Variants in PTPN22 observed in about 807,000 individuals in gnomAD.
The protein encoded by PTPN22 is protein tyrosine phosphatase non-receptor type 22, also known as tyrosine-protein phosphatase non-receptor type 22.
A neutral mutation model predicts 103.3 loss-of-function variants in PTPN22; 85 were observed. The ratio of observed to expected loss-of-function variants is 0.82; its 90% confidence interval spans 0.69 to 0.99. PTPN22 has a LOEUF of 0.99. Among genes scored for constraint, PTPN22 ranks in the 50% least tolerant of loss-of-function variants. The probability of loss-of-function intolerance (pLI) is 0.00; values close to 1 mark genes in which losing one functional copy is unlikely to be tolerated. For missense variants in PTPN22, 865 were observed against 936.9 expected, an observed-to-expected ratio of 0.92 and a Z score of 1.00; for synonymous variants, 323 against 310.2, an observed-to-expected ratio of 1.04 and a Z score of -0.43.
chr1:113,821,353 A>G (rs543913500), intron 19 of PTPN22, among the ~76,000 whole-genome samples: 220 of 151,608 alleles, frequency 1.5e-3, no homozygotes, highest in African/African-American at 5.0e-3. Flanking sequence ...AGACAGTCTC[A>G]CTCTGTCGCC....
chr1:113,864,998 A>C lies in PTPN22; in HGVS notation c.88-5538T>G, dbSNP rs114769096. Among the ~76,000 whole-genome samples the C allele has an allele frequency of 3.2e-3, 482 of 152,370 alleles. 3 individuals carry two copies. The highest frequency in any genetic ancestry group is 5.4e-3 in the Non-Finnish European group (370 of 68,036). Reference sequence around the variant, plus strand: ...AAGGCGGAGGTAACAACATGTGTGCAAGGCCCTATGGCAGAGGAAGCATGG... The same window carrying C: ...AAGGCGGAGGTAACAACATGTGTGCCAGGCCCTATGGCAGAGGAAGCATGG... On this transcript the variant is annotated intron_variant, in intron 1 of 20. Transcript: ENST00000359785.
chr1:113,864,124 C>G (rs1047929662), intron 1 of PTPN22: 1 of 364,402 alleles, frequency 2.7e-6, no homozygotes, highest in Admixed American at 3.4e-5. Flanking sequence ...AACAGACAAA[C>G]AAACAAACAA....
chr1:113,855,483 GAC>G (rs1664963223), intron 7 of PTPN22, among the ~76,000 whole-genome samples: 1 of 130,360 alleles, frequency 7.7e-6, no homozygotes, highest in Admixed American at 9.4e-5. Context: ...CAGACTGGGT[GAC>G]AGAGCGAGAC....
At chr1:113,838,659 G>A (rs1663243340) in intron 11 of PTPN22, 39 bp from the exon 12 acceptor site, 6 of 1,591,850 alleles carry the variant, frequency 3.8e-6, no homozygotes, top group Non-Finnish European at 5.1e-6. Flanking sequence ...TTTCAGTGAA[G>A]CAATGTCAAT....
chr1:113,857,888 GT>G (rs917524118), intron 4 of PTPN22, 112 bp from the exon 5 acceptor site: 351 of 976,834 alleles, frequency 3.6e-4, no homozygotes, highest in Non-Finnish European at 4.1e-4. Flanking sequence ...CTGTTTTGTC[GT>G]TTTTTTTTAA....
intron 5 of PTPN22, chr1:113,856,858 A>G (rs963904688): frequency 2.1e-6 from 1 of 485,086 alleles, no homozygotes; most frequent in African/African-American, 1.9e-5. Context: ...TCTTTGACCT[A>G]TTTTTAGTAT....
At chr1:113,856,493 T>C in intron 6 of PTPN22, 52 bp from the exon 7 acceptor site, 3 of 1,614,020 alleles carry the variant, frequency 1.9e-6, no homozygotes, top group Non-Finnish European at 2.5e-6. Context: ...ACAAGCTCTC[T>C]ATAAGGTAGA....
At chr1:113,848,055 TTA>T (rs1290203655) in intron 11 of PTPN22, among the ~76,000 whole-genome samples, 1 of 151,938 alleles carries the variant, frequency 6.6e-6, no homozygotes, top group African/African-American at 2.4e-5. Context: ...TTTTAAATTT[TTA>T]TTTCTCTTTG....
rs1661095396 is a variant in PTPN22, at chr1:113,815,732, GCAGTGGCGCGATCTCGGCCCACTGC to G, written c.2360-788_2360-764del. ...CTTGCTCTGTCGCCCAGGCTGGAGT[GCAGTGGCGCGATCTCGGCCCACTGC>G]AACCTCCGCCTCCCGGGTTCAAGCG... On this transcript the variant is annotated intron_variant, in intron 20 of 20. Transcript: ENST00000359785. 3.3e-5 allele frequency among the ~76,000 whole-genome samples: 5 copies of G among 152,338 alleles called. No homozygotes were observed. The South Asian group carries it at 1.0e-3, about 32-fold the overall frequency.
At chr1:113,869,424 C>T (rs1426115710) in intron 1 of PTPN22, among the ~76,000 whole-genome samples, 4 of 148,872 alleles carry the variant, frequency 2.7e-5, no homozygotes, top group African/African-American at 7.5e-5. Context: ...GACAGAAGTT[C>T]GCTCTTGTTG....
chr1:113,857,285 A>G (rs745431714), intron 5 of PTPN22, among the ~76,000 whole-genome samples: 4 of 152,204 alleles, frequency 2.6e-5, no homozygotes, highest in African/African-American at 4.8e-5. Context: ...AAATTTTCAC[A>G]TACTCAAACA....
chr1:113,850,200 A>AGAAGGAAG (rs71090741), intron 10 of PTPN22, among the ~76,000 whole-genome samples: 958 of 77,968 alleles, frequency 0.012, 11 homozygotes, highest in Non-Finnish European at 0.013. Flanking sequence ...CCATCTCAAA[A>AGAAGGAAG]GAAGGAAGGA....
At chr1:113,864,471 G>T (rs1665937567) in intron 1 of PTPN22, 1 of 301,756 alleles carries the variant, frequency 3.3e-6, no homozygotes, top group African/African-American at 2.3e-5. Context: ...GAGATCTAAA[G>T]AATTATTAGT....
intron 18 of PTPN22, among the ~76,000 whole-genome samples, chr1:113,828,735 G>A (rs572530783): frequency 5.9e-5 from 9 of 152,092 alleles, no homozygotes; most frequent in South Asian, 4.1e-4. Context: ...TTCCAGGCTC[G>A]ACCAATCCTC....
intron 1 of PTPN22, among the ~76,000 whole-genome samples, chr1:113,861,237 G>GTTTGT (rs1553253299): frequency 1.3e-5 from 2 of 151,718 alleles, no homozygotes; most frequent in East Asian, 3.9e-4. Flanking sequence ...TTTTTTGTTT[G>GTTTGT]TTTGTTTTTG....
chr1:113,838,184 C>T lies in PTPN22; in HGVS notation c.1216G>A (p.Gly406Arg), dbSNP rs776187391. ...CTTTGATGCTTCTGAAGAGGCTCCCCAACTATTGGAAATGCCTTTGTCTGC... is the reference window on the plus strand; with the variant it reads ...CTTTGATGCTTCTGAAGAGGCTCCCTAACTATTGGAAATGCCTTTGTCTGC... The change falls in exon 13 of 21, where the codon GGG becomes AGG. Residue 406 changes from glycine (G) to arginine (R), a missense_variant. This residue lies in a region of PTPN22 where 457 missense variants were observed against 529.1 expected (regional missense o/e 0.86). Transcript: ENST00000359785. The T allele has an allele frequency of 5.9e-5, 96 of 1,613,972 alleles. No individual in the cohort carries two copies. The Admixed American group carries it at 1.3e-3, about 23-fold the overall frequency.
chr1:113,843,491 A>G (rs1663789791), intron 11 of PTPN22, among the ~76,000 whole-genome samples: 1 of 152,208 alleles, frequency 6.6e-6, no homozygotes, highest in Non-Finnish European at 1.5e-5. Context: ...TCAAATTCAT[A>G]GAGACAGAAA....
chr1:113,859,272 C>A, intron 2 of PTPN22, 80 bp downstream of exon 2: 1 of 1,539,840 alleles, frequency 6.5e-7, no homozygotes, highest in Non-Finnish European at 8.9e-7. Flanking sequence ...AGATCAGGAT[C>A]AGTAAGCAAT....
intron 16 of PTPN22, among the ~76,000 whole-genome samples, chr1:113,830,453 A>T (rs1433173353): frequency 6.6e-6 from 1 of 152,172 alleles, no homozygotes. Context: ...AGAAAGGAGA[A>T]CGGTTATATA....
Sources: allele counts gnomAD v4.1 joint callset (sites outside exome capture counted in the v4.1 genomes callset), GRCh38; gene constraint gnomAD v4.1.1; regional missense constraint gnomAD v4.1.1; transcripts MANE v1.5; gene names NCBI Gene and HGNC (gene_info 2026-07-23, HGNC 2026-07-21).